Variants in ADAMTS14 observed in about 807,000 individuals in gnomAD.
ADAMTS14 encodes the protein ADAM metallopeptidase with thrombospondin type 1 motif 14.
ADAMTS14 carries 100 observed loss-of-function variants against 128.6 expected under a neutral mutation model. The ratio of observed to expected loss-of-function variants is 0.78; its 90% CI spans 0.66 to 0.92. ADAMTS14 has a LOEUF of 0.92. Ranked by LOEUF, ADAMTS14 falls within the 40% of genes least tolerant of loss-of-function variation. The pLI, the probability that ADAMTS14 is intolerant of heterozygous loss-of-function variation, is 0.00. For missense variants in ADAMTS14, 1,562 were observed against 1,658.6 expected (o/e 0.94, Z 1.01); for synonymous variants, 665 against 653.8 (o/e 1.02, Z -0.26).
At chr10:70,697,348 G>C (rs1362482851) in intron 2 of ADAMTS14, among the ~76,000 whole-genome samples, 2 of 152,312 alleles carry the variant, frequency 1.3e-5, no homozygotes, top group East Asian at 1.9e-4. Context: ...GCCTGCAGCT[G>C]TCTCCTGAGA....
In ADAMTS14 at chr10:70,741,060, G is replaced by A; in HGVS notation, c.1822G>A (p.Gly608Arg). 1 of 1,614,128 alleles carries A rather than the reference G, an allele frequency of 6.2e-7. No homozygotes were observed. Among genetic ancestry groups the A allele is most frequent in the Non-Finnish European group, 8.5e-7 (1 of 1,180,034 alleles). Residue 608 changes from glycine (G) to arginine (R), a missense_variant, in exon 12 of 22, where the codon GGG (glycine) becomes AGG (arginine). Gly to Arg is a moderately radical substitution (Grantham distance 125). Coordinates refer to ENST00000373207, the MANE Select transcript of ADAMTS14 (RefSeq NM_080722.4). The part of the protein sequence containing the change: ...YQVCNSEECP[G>R]TYEDFRAQQC... ...GGTCTGCAACAGCGAGGAGTGCCCTGGGACCTACGAGGACTTCCGGGCCCA... is the reference window on the plus strand; with the variant it reads ...GGTCTGCAACAGCGAGGAGTGCCCTAGGACCTACGAGGACTTCCGGGCCCA...
intron 4 of ADAMTS14, among the ~76,000 whole-genome samples, chr10:70,716,012 A>G (rs10823602): frequency 0.16 from 24,640 of 152,090 alleles, 2,610 homozygotes; most frequent in East Asian, 0.56. Context: ...ACACATTCTG[A>G]CTTTTGACCC....
chr10:70,682,850 G>C (rs79645735), intron 2 of ADAMTS14, among the ~76,000 whole-genome samples: 6,560 of 152,284 alleles, frequency 0.043, 175 homozygotes, highest in East Asian at 0.085. Flanking sequence ...TCAGTTTGCT[G>C]CTGGCCCTGA....
chr10:70,743,343 G>C (rs904122749), intron 12 of ADAMTS14, among the ~76,000 whole-genome samples: 3 of 152,196 alleles, frequency 2.0e-5, no homozygotes, highest in African/African-American at 7.2e-5. Context: ...AGGGAACAAA[G>C]GCTGGGAGAG....
At chr10:70,736,838 G>A (rs754238706) in intron 10 of ADAMTS14, 45 bp downstream of exon 10, 9 of 1,559,416 alleles carry the variant, frequency 5.8e-6, no homozygotes, top group South Asian at 5.6e-5. Flanking sequence ...TGGGGTGCAG[G>A]GCATCCATCA....
chr10:70,688,196 C>T (rs1189115622), intron 2 of ADAMTS14, among the ~76,000 whole-genome samples: 1 of 46,226 alleles, frequency 2.2e-5, no homozygotes, highest in Non-Finnish European at 4.2e-5. Flanking sequence ...GACGGGGTCT[C>T]GGCCGGGCAG....
rs1323865310 is a variant in ADAMTS14 at position 70,760,216 on chromosome 10, C to T, written c.3179-144C>T. On this transcript the variant is annotated intron_variant, in intron 21 of 21. Transcript: ENST00000373207. Reference sequence around the variant, plus strand: ...CTCCCGTCAGGTGGCTCTGTAGCCCCCACCCTGAGAAAAAGCTTTATAGTG... The same window carrying T: ...CTCCCGTCAGGTGGCTCTGTAGCCCTCACCCTGAGAAAAAGCTTTATAGTG... 2.7e-6 allele frequency: 3 copies of T among 1,098,380 alleles called. No homozygotes were observed. The African/African-American group carries it at 4.7e-5, about 17-fold the overall frequency. The allele number at this position is 1,098,380 out of a possible 1,614,324, so 68.0% of individuals were successfully genotyped here.
intron 3 of ADAMTS14, among the ~76,000 whole-genome samples, chr10:70,707,919 G>A (rs145553719): frequency 1.3e-5 from 2 of 152,314 alleles, no homozygotes; most frequent in African/African-American, 4.8e-5. Context: ...TCGAATGGTT[G>A]TGACCGAGAA....
chr10:70,734,277 G>C (rs1841750790), intron 8 of ADAMTS14, among the ~76,000 whole-genome samples: 1 of 152,188 alleles, frequency 6.6e-6, no homozygotes, highest in Non-Finnish European at 1.5e-5. Context: ...AGACCCCCTG[G>C]CTCATGGAAG....
At chr10:70,699,692 G>T (rs530366421) in intron 2 of ADAMTS14, among the ~76,000 whole-genome samples, 1 of 152,344 alleles carries the variant, frequency 6.6e-6, no homozygotes, top group African/African-American at 2.4e-5. Flanking sequence ...GAGGCCACGT[G>T]GAGTCACTAG....
At chr10:70,720,401 C>T (rs978923155) in intron 4 of ADAMTS14, among the ~76,000 whole-genome samples, 1 of 152,172 alleles carries the variant, frequency 6.6e-6, no homozygotes, top group Non-Finnish European at 1.5e-5. Context: ...ACCTCGGAGG[C>T]AGGGCCTACC....
In ADAMTS14 at chr10:70,745,485, C is replaced by A. The variant is rs1842150495; in HGVS notation, c.2263+179C>A. ...TTTATGCTGCATGGGTAACCCATTCCATGGTTTACATTTCAGAAGGTCTCA... is the reference window on the plus strand; with the variant it reads ...TTTATGCTGCATGGGTAACCCATTCAATGGTTTACATTTCAGAAGGTCTCA... On this transcript the variant is annotated intron_variant, in intron 15 of 21. Coordinates refer to ENST00000373207, the MANE Select transcript of ADAMTS14 (RefSeq NM_080722.4). 11 of 712,126 alleles carry A rather than the reference C, an allele frequency of 1.5e-5. No individual in the cohort carries two copies. The East Asian group carries it at 3.0e-4, about 20-fold the overall frequency. The allele number at this position is 712,126 out of a possible 1,614,324, so 44.1% of individuals were successfully genotyped here.
intron 4 of ADAMTS14, among the ~76,000 whole-genome samples, chr10:70,717,878 C>T (rs10823604): frequency 0.083 from 12,599 of 152,180 alleles, 966 homozygotes; most frequent in East Asian, 0.46. Flanking sequence ...GGGTGGTTGC[C>T]GGGACAACAC....
intron 2 of ADAMTS14, among the ~76,000 whole-genome samples, chr10:70,687,297 A>C (rs1589262674): frequency 3.3e-5 from 3 of 91,080 alleles, no homozygotes; most frequent in Admixed American, 1.3e-4. Flanking sequence ...TGACACCCCC[A>C]CCTCCCTCCT....
In ADAMTS14 at chr10:70,731,540, A is replaced by C. The variant is rs1458404421; in HGVS notation, c.1103-714A>C. Among the ~76,000 whole-genome samples the C allele has an allele frequency of 2.6e-5, 4 of 152,212 alleles. No homozygotes were observed. In the East Asian group the frequency reaches 7.7e-4, roughly 29 times the overall value. On this transcript the variant is annotated intron_variant, in intron 6 of 21. Coordinates refer to ENST00000373207, the MANE Select transcript of ADAMTS14 (RefSeq NM_080722.4). Reference sequence around the variant, plus strand: ...ACAGGCCTCATGCATGGTAGTGCTTAGCTGGTGCCGGCCCCCCTGCACTGC... The same window carrying C: ...ACAGGCCTCATGCATGGTAGTGCTTCGCTGGTGCCGGCCCCCCTGCACTGC...
Position 70,736,685 on chromosome 10 carries a change from GA to G in ADAMTS14, c.1492del (p.Thr498ProfsTer95). 6.2e-7 allele frequency: 1 copy of G among 1,613,628 alleles called. No individual in the cohort carries two copies. The highest frequency in any genetic ancestry group is 8.5e-7 in the Non-Finnish European group (1 of 1,179,726). ...SGYQTCLAFR[T>X]FEPCKQLWCS... ...CCCATTCCCTTGCCATGCAGTTCAGGACCTTTGAGCCCTGCAAGCAGCTGTG... is the reference window on the plus strand; with the variant it reads ...CCCATTCCCTTGCCATGCAGTTCAGGCCTTTGAGCCCTGCAAGCAGCTGTG... On this transcript the variant is annotated frameshift_variant, in exon 10 of 22. Coordinates refer to ENST00000373207, the MANE Select transcript of ADAMTS14 (RefSeq NM_080722.4). LOFTEE classifies it high-confidence loss of function.
At chr10:70,757,937 C>G (rs376182649) in intron 19 of ADAMTS14, 25 bp from the exon 20 acceptor site, 15 of 1,586,538 alleles carry the variant, frequency 9.5e-6, no homozygotes, top group Non-Finnish European at 1.3e-5. Context: ...GGCCGCTATG[C>G]CTGGCACTGA....
intron 4 of ADAMTS14, among the ~76,000 whole-genome samples, chr10:70,709,719 C>T (rs2132617099): frequency 6.6e-6 from 1 of 152,296 alleles, no homozygotes; most frequent in East Asian, 1.9e-4. Context: ...CCAGGATGGT[C>T]TGGATCTCCT....
At chr10:70,754,235 T>C (rs1842428392) in intron 19 of ADAMTS14, among the ~76,000 whole-genome samples, 1 of 152,248 alleles carries the variant, frequency 6.6e-6, no homozygotes, top group South Asian at 2.1e-4. Flanking sequence ...CCAGGAGGCA[T>C]GGGTTCATGT....
Sources: gnomAD v4.1 joint callset for allele counts (sites outside exome capture counted in the v4.1 genomes callset) on GRCh38, gnomAD v4.1.1 for gene constraint, MANE v1.5 for transcripts, NCBI Gene and HGNC (gene_info 2026-07-23, HGNC 2026-07-21) for gene names.